SEC16B: variants seen among roughly 807,000 people sequenced by gnomAD.
SEC16B encodes the protein SEC16 homolog B, endoplasmic reticulum export factor.
A neutral mutation model predicts 141.8 loss-of-function variants in SEC16B; 115 were observed. The ratio of observed to expected loss-of-function variants is 0.81; its 90% CI spans 0.70 to 0.95. The LOEUF is 0.95. Among genes scored for constraint, SEC16B ranks in the 40% least tolerant of loss-of-function variants. The probability of loss-of-function intolerance (pLI) is 0.00; values close to 1 mark genes in which losing one functional copy is unlikely to be tolerated. For synonymous variants in SEC16B, 493 were observed against 492.5 expected (o/e 1.00, Z -0.01); for missense variants, 1,291 against 1,312.3 (o/e 0.98, Z 0.25).
intron 2 of SEC16B, among the ~76,000 whole-genome samples, chr1:177,967,290 G>A (rs1346763548): frequency 6.6e-6 from 1 of 152,118 alleles, no homozygotes; most frequent in South Asian, 2.1e-4. Context: ...CAATGACAAC[G>A]AGGAACTCCT....
intron 18 of SEC16B, among the ~76,000 whole-genome samples, chr1:177,939,039 C>T (rs756731524): frequency 3.9e-5 from 6 of 152,214 alleles, no homozygotes; most frequent in Non-Finnish European, 8.8e-5. Flanking sequence ...CCCACCTTTA[C>T]AGATCCTGCT....
Position 177,941,895 on chromosome 1 carries a change from C to G in SEC16B, c.2022+5G>C, listed in dbSNP as rs749668668. The G allele has an allele frequency of 5.0e-6, 8 of 1,613,258 alleles. No homozygotes were observed. Among genetic ancestry groups the G allele is most frequent in the Admixed American group, 3.3e-5 (2 of 59,918 alleles). ...CAACTGCACAGAACCCTTTGAGAGG[C>G]TCACCTTGATGAGTTCCACTAATAG... On this transcript the variant is annotated splice_donor_5th_base_variant and intron_variant, in intron 16 of 25. Coordinates refer to ENST00000308284, the MANE Select transcript of SEC16B (RefSeq NM_033127.4).
At position 177,967,899 on chromosome 1, in the gene SEC16B, C is replaced by T. The variant is rs147207337; in HGVS notation, c.83G>A (p.Arg28Gln). The T allele has an allele frequency of 3.0e-5, 48 of 1,613,964 alleles. No homozygotes were observed. Among genetic ancestry groups the T allele is most frequent in the African/African-American group, 9.3e-5 (7 of 75,028 alleles). ...APSKDPDRGFRRDGHHRPVPH... is the reference protein window; with the variant it reads ...APSKDPDRGFQRDGHHRPVPH... ...GACAGGCCGATGATGTCCATCTCTCCGAAACCCTCGGTCTGGATCCTTTGA... is the reference window on the plus strand; with the variant it reads ...GACAGGCCGATGATGTCCATCTCTCTGAAACCCTCGGTCTGGATCCTTTGA... Residue 28 changes from arginine (R) to glutamine (Q), a missense_variant, in exon 2 of 26, where the codon CGG becomes CAG. Around this residue, in one of 3 missense-constraint regions of SEC16B, gnomAD observed 681 missense variants for 675.5 expected, o/e 1.01. Coordinates refer to ENST00000308284, the MANE Select transcript of SEC16B (RefSeq NM_033127.4).
At position 177,936,318 on chromosome 1, in the gene SEC16B, C is replaced by G. The variant is rs1237209365; in HGVS notation, c.2551G>C (p.Glu851Gln). The change falls in exon 20 of 26, where the codon GAG becomes CAG. Residue 851 changes from glutamate (E) to glutamine (Q), a missense_variant. Physicochemically the swap from Glu to Gln is conservative, Grantham distance 29 (BLOSUM62 2). Around this residue, in one of 3 missense-constraint regions of SEC16B, gnomAD observed 605 missense variants for 614.1 expected, o/e 0.99. Coordinates refer to ENST00000308284, the MANE Select transcript of SEC16B (RefSeq NM_033127.4). ...QETSQPPDGQ[E>Q]VISKPQTPLA... is the part of the protein sequence containing the mutation. The stretch of plus-strand genomic sequence containing the variant: ...CTCACCTGTGGTTTGGAAATGACCT[C>G]TTGGCCATCAGGAGGCTGGGAAGTT... 3.1e-6 allele frequency: 5 copies of G among 1,610,904 alleles called. No individual in the cohort carries two copies. The African/African-American group carries it at 6.7e-5, about 22-fold the overall frequency.
intron 1 of SEC16B, among the ~76,000 whole-genome samples, chr1:177,969,528 A>C (rs1307964164): frequency 6.6e-6 from 1 of 152,156 alleles, no homozygotes; most frequent in East Asian, 1.9e-4. Context: ...AACCATTTGG[A>C]CCAAGTAAGC....
intron 2 of SEC16B, among the ~76,000 whole-genome samples, 199 bp downstream of exon 2, chr1:177,967,484 A>G (rs866773569): frequency 2.6e-5 from 4 of 152,212 alleles, no homozygotes; most frequent in Non-Finnish European, 5.9e-5. Context: ...CACTAGGGGA[A>G]AAACAGGAGA....
At chr1:177,974,992 T>G (rs919982231), upstream of SEC16B, among the ~76,000 whole-genome samples, 1 of 152,126 alleles carries the variant, frequency 6.6e-6, no homozygotes, top group African/African-American at 2.4e-5. Flanking sequence ...GGAGATAAGT[T>G]TGAACATAAG....
At chr1:177,982,520 A>G (rs1046530088) in intron 1 of SEC16B, among the ~76,000 whole-genome samples, 2 of 152,210 alleles carry the variant, frequency 1.3e-5, no homozygotes, top group Admixed American at 6.5e-5. Context: ...CTGATGGACA[A>G]TAAGTCTACA....
chr1:177,981,684 A>G (rs969975310), intron 1 of SEC16B, among the ~76,000 whole-genome samples: 1 of 152,178 alleles, frequency 6.6e-6, no homozygotes, highest in Non-Finnish European at 1.5e-5. Flanking sequence ...AGTTACATAC[A>G]TTATTATATG....
Position 177,933,581 on chromosome 1 carries a change from T to G in SEC16B, c.2627A>C (p.Lys876Thr). ...ATCAGAGGACTCCTTCTCATCCTCCTTGGCTGAACTGGCGGAACTCTCAGA... is the reference window on the plus strand; with the variant it reads ...ATCAGAGGACTCCTTCTCATCCTCCGTGGCTGAACTGGCGGAACTCTCAGA... ...SISESSASSAKEDEKESSDEA... is the reference protein window; with the variant it reads ...SISESSASSATEDEKESSDEA... The change falls in exon 21 of 26, where the codon AAG becomes ACG. Residue 876 changes from lysine (K) to threonine (T), a missense_variant. By Grantham distance (78) the Lys-to-Thr change is moderately conservative. This residue lies in a region of SEC16B where 605 missense variants were observed against 614.1 expected (regional missense o/e 0.99). Coordinates refer to ENST00000308284, the MANE Select transcript of SEC16B (RefSeq NM_033127.4). 6.2e-7 allele frequency: 1 copy of G among 1,613,950 alleles called. No homozygotes were observed.
At chr1:177,948,328 A>T (rs1304876521) in intron 12 of SEC16B, 1 of 1,297,880 alleles carries the variant, frequency 7.7e-7, no homozygotes, top group Admixed American at 2.3e-5. Context: ...TTGGCTTATG[A>T]GTAGAAGAGG....
rs765443077 is a variant in SEC16B, at chr1:177,967,792, C to T, written c.190G>A (p.Ala64Thr). ...GSPQPQQEPR[A>T]DHQQQPHYAS... ...TAATGGGGCTGCTGCTGATGGTCTG[C>T]CCTGGGCTCCTGCTGTGGCTGGGGG... is the stretch of plus-strand genomic sequence containing the variant. Residue 64 changes from alanine to threonine, a missense_variant, in exon 2 of 26, where the codon GCA becomes ACA. By Grantham distance (58) the Ala-to-Thr change is moderately conservative. Transcript: ENST00000308284. 3.1e-6 allele frequency: 5 copies of T among 1,614,018 alleles called. No individual in the cohort carries two copies. The South Asian group carries it at 5.5e-5, about 18-fold the overall frequency.
rs1309758169 is a variant in SEC16B, at chr1:177,929,808, A to G, written c.*50T>C. On this transcript the variant is annotated 3_prime_UTR_variant, in exon 26 of 26. Transcript: ENST00000308284. ...GGGGCTGGGAGATTGAGAAAAAGAGAGCAAGAAAGTTTCAGTCCTGGGAGA... is the reference window on the plus strand; with the variant it reads ...GGGGCTGGGAGATTGAGAAAAAGAGGGCAAGAAAGTTTCAGTCCTGGGAGA... 6.3e-7 allele frequency: 1 copy of G among 1,594,670 alleles called. No individual in the cohort carries two copies. Among genetic ancestry groups the G allele is most frequent in the Admixed American group, 1.7e-5 (1 of 59,024 alleles).
chr1:177,979,725 C>A (rs1370291136), intron 1 of SEC16B, among the ~76,000 whole-genome samples: 2 of 152,202 alleles, frequency 1.3e-5, no homozygotes, highest in Non-Finnish European at 2.9e-5. Flanking sequence ...CTTACAGTCC[C>A]ACATGGCTGA....
At position 177,961,663 on chromosome 1, in the gene SEC16B, G is replaced by A; in HGVS notation, c.714C>T (p.Leu238=). ...ESGLSSSSYE[L]SQYIRDAPER... ...CCGGGGCATCTCTGATGTACTGACT[G>A]AGCTCATAGCTGCTGGAGCTGAGAC... is the stretch of plus-strand genomic sequence containing the variant. Residue 238 remains leucine, a synonymous_variant, in exon 6 of 26, where the codon CTC becomes CTT. Transcript: ENST00000308284. 6.2e-7 allele frequency: 1 copy of A among 1,614,000 alleles called. No individual in the cohort carries two copies. The highest frequency in any genetic ancestry group is 1.1e-5 in the South Asian group (1 of 91,078).
intron 1 of SEC16B, among the ~76,000 whole-genome samples, chr1:177,968,717 C>A (rs1489291952): frequency 6.6e-6 from 1 of 152,154 alleles, no homozygotes; most frequent in Admixed American, 6.5e-5. Context: ...TCAAGAAGCA[C>A]CTTTTCTGAA....
At chr1:177,948,853 G>C (rs943171675) in intron 12 of SEC16B, among the ~76,000 whole-genome samples, 1 of 152,012 alleles carries the variant, frequency 6.6e-6, no homozygotes, top group Non-Finnish European at 1.5e-5. Flanking sequence ...AAATAAGATA[G>C]TTGTGTAAAG....
upstream of SEC16B, chr1:177,973,262 G>C (rs1319459621): frequency 1.3e-5 from 2 of 152,224 alleles, no homozygotes; most frequent in East Asian, 1.9e-4. Flanking sequence ...TCTTGCAAAG[G>C]GCAGCTCAGC....
At position 177,958,942 on chromosome 1, in the gene SEC16B, A is replaced by T; in HGVS notation, c.1032T>A (p.Phe344Leu). The T allele has an allele frequency of 1.2e-6, 2 of 1,613,656 alleles. No individual in the cohort carries two copies. The highest frequency in any genetic ancestry group is 2.2e-5 in the South Asian group (2 of 91,006). Residue 344 changes from phenylalanine to leucine, a missense_variant, in exon 9 of 26, where the codon TTT (phenylalanine) becomes TTA (leucine). By Grantham distance (22) the Phe-to-Leu change is conservative. This residue lies in a region of SEC16B where 681 missense variants were observed against 675.5 expected (regional missense o/e 1.01). Coordinates refer to ENST00000308284, the MANE Select transcript of SEC16B (RefSeq NM_033127.4). ...EDVHKVDIMT[F>L]CQQKAAQSCK... Reference sequence around the variant, plus strand: ...AGCTCTGAGCTGCTTTCTGCTGGCAAAACGTCATAATATCCACCTTATGTA... The same window carrying T: ...AGCTCTGAGCTGCTTTCTGCTGGCATAACGTCATAATATCCACCTTATGTA...
Sources: allele counts gnomAD v4.1 joint callset (sites outside exome capture counted in the v4.1 genomes callset), GRCh38; gene constraint gnomAD v4.1.1; regional missense constraint gnomAD v4.1.1; transcripts MANE v1.5; gene names NCBI Gene and HGNC (gene_info 2026-07-23, HGNC 2026-07-21).